The following SCAF4 variants were observed in gnomAD, a reference collection of about 807,000 sequenced individuals.
SCAF4 encodes SR-related and CTD-associated factor 4.
Under a neutral mutation model 129.8 loss-of-function variants are expected in SCAF4, and 25 were observed. The observed-to-expected ratio is 0.19, with a 90% confidence interval of 0.14 to 0.27. The LOEUF (loss-of-function observed/expected upper bound fraction) is 0.27, where lower values mean the gene tolerates loss of function less well. SCAF4 is among the 10% of genes least tolerant of loss of function. The probability of loss-of-function intolerance (pLI) is 1.00; values close to 1 mark genes in which losing one functional copy is unlikely to be tolerated. For missense variants in SCAF4, 1,246 were observed against 1,457.1 expected, an observed-to-expected ratio of 0.86 and a Z score of 2.36; for synonymous variants, 551 against 497.7, an observed-to-expected ratio of 1.11 and a Z score of -1.43.
chr21:31,713,042 T>C (rs573284609), intron 1 of SCAF4: 1 of 181,572 alleles, frequency 5.5e-6, no homozygotes, highest in East Asian at 1.9e-4. Flanking sequence ...TTTCCATTTA[T>C]GCATGGTATA....
chr21:31,708,421 C>G (rs945211394), intron 1 of SCAF4, among the ~76,000 whole-genome samples: 1 of 150,960 alleles, frequency 6.6e-6, no homozygotes, highest in Non-Finnish European at 1.5e-5. Context: ...AAAGAAATAA[C>G]AAATCCTTAA....
At chr21:31,722,993 G>A (rs1267888266) in intron 1 of SCAF4, among the ~76,000 whole-genome samples, 1 of 151,938 alleles carries the variant, frequency 6.6e-6, no homozygotes, top group Non-Finnish European at 1.5e-5. Context: ...AAAATACATG[G>A]ATAGTATTGT....
At chr21:31,707,560 G>C (rs905042841) in intron 1 of SCAF4, among the ~76,000 whole-genome samples, 3 of 152,144 alleles carry the variant, frequency 2.0e-5, no homozygotes, top group African/African-American at 4.8e-5. Flanking sequence ...TTTTTGTTTG[G>C]TTTAACCATA....
At position 31,671,647 on chromosome 21, in the gene SCAF4, T is replaced by C. The variant is rs1375731782; in HGVS notation, c.3196A>G (p.Arg1066Gly). Residue 1066 changes from arginine to glycine, a missense_variant, in exon 20 of 20, where the codon AGA becomes GGA. Coordinates refer to ENST00000286835, the MANE Select transcript of SCAF4 (RefSeq NM_020706.2). ...HRDRERDSRD[R>G]ESRREKEEAR... Reference sequence around the variant, plus strand: ...TCTTCCTTCTCTCTACGAGACTCTCTATCTCTAGAATCTCTCTCTCTGTCT... The same window carrying C: ...TCTTCCTTCTCTCTACGAGACTCTCCATCTCTAGAATCTCTCTCTCTGTCT... 6.2e-7 allele frequency: 1 copy of C among 1,614,098 alleles called. No individual in the cohort carries two copies. The highest frequency in any genetic ancestry group is 1.1e-5 in the South Asian group (1 of 91,068).
intron 1 of SCAF4, among the ~76,000 whole-genome samples, chr21:31,726,486 ACC>A (rs2051208106): frequency 6.6e-6 from 1 of 151,964 alleles, no homozygotes; most frequent in Non-Finnish European, 1.5e-5. Context: ...ACAGAGCCAA[ACC>A]CCGTGTCTAC....
intron 19 of SCAF4, among the ~76,000 whole-genome samples, chr21:31,683,771 C>A (rs1226581770): frequency 6.6e-6 from 1 of 151,884 alleles, no homozygotes; most frequent in East Asian, 1.9e-4. Context: ...GTCCAATGTT[C>A]CTTCTATGAT....
intron 4 of SCAF4, among the ~76,000 whole-genome samples, chr21:31,702,740 C>T (rs2050565072): frequency 6.6e-6 from 1 of 152,114 alleles, no homozygotes. Context: ...ATTATAACAG[C>T]TAAAATATTT....
chr21:31,678,218 C>A (rs2123474303), intron 19 of SCAF4, among the ~76,000 whole-genome samples: 1 of 152,258 alleles, frequency 6.6e-6, no homozygotes, highest in East Asian at 1.9e-4. Flanking sequence ...ATTTGATAGG[C>A]TCCCCTCAAA....
intron 7 of SCAF4, among the ~76,000 whole-genome samples, chr21:31,698,694 G>C (rs1460369520): frequency 6.6e-6 from 1 of 152,100 alleles, no homozygotes; most frequent in Non-Finnish European, 1.5e-5. Flanking sequence ...TCAGTTGAAG[G>C]CATTAAGAAT....
intron 1 of SCAF4, among the ~76,000 whole-genome samples, chr21:31,711,460 A>C (rs1372997365): frequency 2.6e-5 from 4 of 152,234 alleles, no homozygotes; most frequent in Admixed American, 2.6e-4. Flanking sequence ...AAGCATGTAC[A>C]TTGACACTGT....
intron 10 of SCAF4, 45 bp downstream of exon 10, chr21:31,694,768 C>T: frequency 6.3e-7 from 1 of 1,581,764 alleles, no homozygotes; most frequent in Non-Finnish European, 8.7e-7. Flanking sequence ...GCATATAAGT[C>T]AAGGCAACAA....
chr21:31,706,611 A>G, intron 1 of SCAF4: 1 of 461,796 alleles, frequency 2.2e-6, no homozygotes, highest in South Asian at 3.2e-5. Flanking sequence ...AAATGAAGGA[A>G]GAGCCCAAGA....
At chr21:31,707,153 T>C (rs113436425) in intron 1 of SCAF4, among the ~76,000 whole-genome samples, 5,144 of 152,050 alleles carry the variant, frequency 0.034, 134 homozygotes, top group Non-Finnish European at 0.048. Context: ...ATTCCATAGA[T>C]GGGGGGGTTA....
chr21:31,688,454 T>A lies in SCAF4; in HGVS notation c.1896A>T (p.Gly632=). 6.2e-7 allele frequency: 1 copy of A among 1,613,716 alleles called. No homozygotes were observed. Among genetic ancestry groups the A allele is most frequent in the Non-Finnish European group, 8.5e-7 (1 of 1,179,736 alleles). ...DSDTLNPDWK[G]IPKKPENEVA... ...CTTCATTTTCAGGCTTCTTAGGAATTCCTTTCCAATCTGTGAGCGTGAAAG... is the reference window on the plus strand; with the variant it reads ...CTTCATTTTCAGGCTTCTTAGGAATACCTTTCCAATCTGTGAGCGTGAAAG... Residue 632 remains glycine, a synonymous_variant, in exon 16 of 20, where the codon GGA becomes GGT. Coordinates refer to ENST00000286835, the MANE Select transcript of SCAF4 (RefSeq NM_020706.2).
chr21:31,691,618 G>A (rs766307952), intron 14 of SCAF4, among the ~76,000 whole-genome samples, 199 bp downstream of exon 14: 1 of 147,454 alleles, frequency 6.8e-6, no homozygotes, highest in Non-Finnish European at 1.5e-5. Context: ...TACCATGCAC[G>A]TAACATTTAC....
rs1247525020 is a variant in SCAF4, at chr21:31,693,444, G to A, written c.1363C>T (p.Arg455Ter). The change falls in exon 12 of 20, where the codon CGA becomes TGA. Residue 455 changes from arginine (R) to a stop codon, truncating the protein, a stop_gained. Coordinates refer to ENST00000286835, the MANE Select transcript of SCAF4 (RefSeq NM_020706.2). LOFTEE classifies it high-confidence loss of function. The part of the protein sequence containing the change: ...RRRSRSGSRS[R>*]RSRHRRSRSR... ...CGAGAACGTCGATGCCGAGACCTTC[G>A]AGATCTAGAACCAGATCTAGATCGC... 6.5e-7 allele frequency: 1 copy of A among 1,548,096 alleles called. No homozygotes were observed. The highest frequency in any genetic ancestry group is 1.7e-5 in the Admixed American group (1 of 57,730).
At chr21:31,685,854 C>A in intron 16 of SCAF4, 121 bp from the exon 17 acceptor site, 1 of 902,202 alleles carries the variant, frequency 1.1e-6, no homozygotes, top group Non-Finnish European at 1.6e-6. Context: ...GCTTATTAGA[C>A]CAATTTATTA....
At chr21:31,715,184 G>A (rs1436851749) in intron 1 of SCAF4, among the ~76,000 whole-genome samples, 1 of 152,042 alleles carries the variant, frequency 6.6e-6, no homozygotes, top group Non-Finnish European at 1.5e-5. Flanking sequence ...CTTCTACAGG[G>A]TGCCTACATT....
intron 1 of SCAF4, among the ~76,000 whole-genome samples, chr21:31,730,910 G>A (rs541829109): frequency 3.8e-4 from 58 of 152,218 alleles, no homozygotes; most frequent in Non-Finnish European, 7.5e-4. Flanking sequence ...GGGGGTGCGA[G>A]GGTAGGGAAC....
Sources: gnomAD v4.1 joint callset for allele counts (sites outside exome capture counted in the v4.1 genomes callset) on GRCh38, gnomAD v4.1.1 for gene constraint, MANE v1.5 for transcripts, NCBI Gene and HGNC (gene_info 2026-07-23, HGNC 2026-07-21) for gene names.